The following DTD1 variants were observed in gnomAD, a reference collection of about 807,000 sequenced individuals.
DTD1 encodes the protein D-aminoacyl-tRNA deacylase 1, also known as D-tyrosyl-tRNA deacylase 1 homolog.
Under a neutral mutation model 25.6 loss-of-function variants are expected in DTD1, and 13 were observed. The ratio of observed to expected loss-of-function variants is 0.51; its 90% CI spans 0.33 to 0.81. The LOEUF (loss-of-function observed/expected upper bound fraction) is 0.81, where lower values mean the gene tolerates loss of function less well. Among genes scored for constraint, DTD1 ranks in the 30% least tolerant of loss-of-function variants. DTD1 has a pLI of 0.02. For missense variants in DTD1, 193 were observed against 266.4 expected, an observed-to-expected ratio of 0.72 and a Z score of 1.92; for synonymous variants, 110 against 103.6, an observed-to-expected ratio of 1.06 and a Z score of -0.37.
chr20:18,703,639 CTTTCTACTAAG>C (rs2061114238), intron 4 of DTD1, among the ~76,000 whole-genome samples: 1 of 151,932 alleles, frequency 6.6e-6, no homozygotes, highest in Non-Finnish European at 1.5e-5. Context: ...ATCTCCCAAC[CTTTCTACTAAG>C]TTTTTAATTT....
intron 3 of DTD1, among the ~76,000 whole-genome samples, chr20:18,613,382 T>G (rs1431337267): frequency 6.6e-6 from 1 of 152,168 alleles, no homozygotes; most frequent in African/African-American, 2.4e-5. Context: ...TGCGAAACTG[T>G]TGCTAAAACT....
At chr20:18,640,661 C>T (rs1252238719) in intron 4 of DTD1, among the ~76,000 whole-genome samples, 9 of 147,494 alleles carry the variant, frequency 6.1e-5, no homozygotes, top group Non-Finnish European at 1.2e-4. Flanking sequence ...GACGGAGTCT[C>T]GCTCTGTCAC....
At chr20:18,609,510 A>G (rs117290480) in intron 3 of DTD1, among the ~76,000 whole-genome samples, 1,195 of 114,820 alleles carry the variant, frequency 0.01, 8 homozygotes, top group Middle Eastern at 0.02. Flanking sequence ...GATTAAGCAA[A>G]CCCAGATTTT....
intron 4 of DTD1, among the ~76,000 whole-genome samples, chr20:18,676,406 G>C (rs1015225289): frequency 1.3e-5 from 2 of 152,120 alleles, no homozygotes; most frequent in Non-Finnish European, 2.9e-5. Context: ...TTTTAAAAAA[G>C]TCAGCTATTC....
intron 4 of DTD1, among the ~76,000 whole-genome samples, chr20:18,676,136 A>G (rs1373498738): frequency 6.6e-6 from 1 of 152,198 alleles, no homozygotes; most frequent in African/African-American, 2.4e-5. Flanking sequence ...GAATCTTGCC[A>G]TGTAGCCCAG....
chr20:18,681,107 G>A (rs752100235), intron 4 of DTD1, among the ~76,000 whole-genome samples: 6 of 152,084 alleles, frequency 3.9e-5, no homozygotes, highest in Non-Finnish European at 8.8e-5. Context: ...GTGTTTCTAC[G>A]CCGGGTGAGT....
At chr20:18,697,186 C>T (rs1056797110) in intron 4 of DTD1, among the ~76,000 whole-genome samples, 2 of 150,950 alleles carry the variant, frequency 1.3e-5, no homozygotes, top group African/African-American at 2.4e-5. Context: ...GAGTGGAGAT[C>T]CCGCCACTGC....
intron 4 of DTD1, among the ~76,000 whole-genome samples, chr20:18,648,442 A>G (rs1418377902): frequency 6.6e-6 from 1 of 152,156 alleles, no homozygotes; most frequent in Non-Finnish European, 1.5e-5. Context: ...CCAGGATGAC[A>G]AGAGAGTGCC....
chr20:18,601,529 A>G lies in DTD1; in HGVS notation c.370+5288A>G, dbSNP rs1171534630. Among the ~76,000 whole-genome samples, 3 of 146,300 alleles carry G rather than the reference A, an allele frequency of 2.1e-5. No homozygotes were observed. The Admixed American group carries it at 2.1e-4, about 10-fold the overall frequency. On this transcript the variant is annotated intron_variant, in intron 3 of 5. Transcript: ENST00000377452. ...AAAAAAAAAAAAAAAAAGCAGTCTGACAGCTTTGAAGAGAGCAGTGGGTCT... is the reference window on the plus strand; with the variant it reads ...AAAAAAAAAAAAAAAAAGCAGTCTGGCAGCTTTGAAGAGAGCAGTGGGTCT...
chr20:18,737,896 G>T (rs1413813967), intron 4 of DTD1, among the ~76,000 whole-genome samples: 1 of 152,226 alleles, frequency 6.6e-6, no homozygotes, highest in East Asian at 1.9e-4. Flanking sequence ...ATGGCTCTGA[G>T]GTCCCTTTAT....
chr20:18,627,993 C>A (rs530316671), intron 3 of DTD1, 134 bp from the exon 4 acceptor site: 14 of 722,296 alleles, frequency 1.9e-5, no homozygotes, highest in African/African-American at 1.6e-4. Context: ...GTCCGTTAAA[C>A]CTCTTTCTTT....
intron 4 of DTD1, among the ~76,000 whole-genome samples, chr20:18,637,604 C>T (rs932264554): frequency 2.0e-5 from 3 of 152,108 alleles, no homozygotes; most frequent in Non-Finnish European, 2.9e-5. Context: ...ACTCATCTGT[C>T]GAAGTGTTAA....
At chr20:18,712,436 A>G (rs62217022) in intron 4 of DTD1, among the ~76,000 whole-genome samples, 52,336 of 151,654 alleles carry the variant, frequency 0.35, 9,363 homozygotes, top group Non-Finnish European at 0.39. Context: ...TAGTGACTCT[A>G]ATCCCATGAT....
chr20:18,765,041 AT>A lies in DTD1; in HGVS notation c.*1704del, dbSNP rs200615340. The A allele has an allele frequency of 9.9e-3, 1,509 of 152,346 alleles. 11 individuals carry two copies. The highest frequency in any genetic ancestry group is 0.016 in the Non-Finnish European group (1,121 of 68,048). The allele number at this position is 152,346 out of a possible 1,614,324, so 9.4% of individuals were successfully genotyped here. On this transcript the variant is annotated 3_prime_UTR_variant, in exon 6 of 6. Coordinates refer to ENST00000377452, the MANE Select transcript of DTD1 (RefSeq NM_080820.6). ...AGAGATACGACCTAAGGATCATGACATTTGGATGGTGGTAAAATGCTAAAGG... is the reference window on the plus strand; with the variant it reads ...AGAGATACGACCTAAGGATCATGACATTGGATGGTGGTAAAATGCTAAAGG...
intron 4 of DTD1, 124 bp from the exon 5 acceptor site, chr20:18,743,976 T>A: frequency 1.0e-6 from 1 of 981,914 alleles, no homozygotes; most frequent in Non-Finnish European, 1.5e-6. Flanking sequence ...TGAACCACTG[T>A]GCTCTGCCAG....
chr20:18,745,208 G>A (rs771475661), intron 5 of DTD1, among the ~76,000 whole-genome samples: 3 of 152,188 alleles, frequency 2.0e-5, no homozygotes, highest in Non-Finnish European at 4.4e-5. Flanking sequence ...GTGGCACTGT[G>A]AGTTTACTTT....
chr20:18,616,813 A>G (rs985918756), intron 3 of DTD1, among the ~76,000 whole-genome samples: 7 of 152,118 alleles, frequency 4.6e-5, no homozygotes, highest in African/African-American at 1.7e-4. Flanking sequence ...TCTCTAAAAA[A>G]TTTTTTTAAA....
Position 18,592,765 on chromosome 20 carries a change from C to A in DTD1, c.44-966C>A, listed in dbSNP as rs1164421213. On this transcript the variant is annotated intron_variant, in intron 1 of 5. Coordinates refer to ENST00000377452, the MANE Select transcript of DTD1 (RefSeq NM_080820.6). ...TGGTGTGATCTTGGATCACTGCAATCTCCACCTTCTGGGTTCAAGCGATTC... is the reference window on the plus strand; with the variant it reads ...TGGTGTGATCTTGGATCACTGCAATATCCACCTTCTGGGTTCAAGCGATTC... 4 of 150,222 alleles carry A rather than the reference C, an allele frequency of 2.7e-5. No homozygotes were observed. In the South Asian group the frequency reaches 6.3e-4, roughly 24 times the overall value. The allele number at this position is 150,222 out of a possible 1,614,324, so 9.3% of individuals were successfully genotyped here.
intron 2 of DTD1, among the ~76,000 whole-genome samples, chr20:18,595,742 G>A (rs2060608347): frequency 6.6e-6 from 1 of 152,188 alleles, no homozygotes; most frequent in Non-Finnish European, 1.5e-5. Flanking sequence ...CTCACCAGTA[G>A]CTGCTATGAA....
Sources: allele counts gnomAD v4.1 joint callset (sites outside exome capture counted in the v4.1 genomes callset), GRCh38; gene constraint gnomAD v4.1.1; transcripts MANE v1.5; gene names NCBI Gene and HGNC (gene_info 2026-07-23, HGNC 2026-07-21).